HERC1: variants seen among roughly 807,000 people sequenced by gnomAD.
HERC1 encodes the protein HECT and RLD domain containing E3 ubiquitin protein ligase family member 1, also known as probable E3 ubiquitin-protein ligase HERC1.
Under a neutral mutation model 554.3 loss-of-function variants are expected in HERC1, and 160 were observed. The observed-to-expected ratio is 0.29, with a 90% CI of 0.25 to 0.33. The LOEUF (loss-of-function observed/expected upper bound fraction) is 0.33. Among genes scored for constraint, HERC1 ranks in the 10% least tolerant of loss-of-function variants. The probability of loss-of-function intolerance (pLI) is 1.00; values close to 1 mark genes in which losing one functional copy is unlikely to be tolerated. For synonymous variants in HERC1, 2,175 were observed against 2,131.7 expected (o/e 1.02, Z -0.56); for missense variants, 4,919 against 5,918.5 (o/e 0.83, Z 5.54).
chr15:63,666,206 T>C, intron 41 of HERC1, 56 bp from the exon 42 acceptor site: 1 of 1,482,008 alleles, frequency 6.7e-7, no homozygotes, highest in Non-Finnish European at 9.2e-7. Context: ...TAGGTCTTTA[T>C]GTTATAAGAG....
chr15:63,802,447 C>T (rs2077024671), intron 1 of HERC1, among the ~76,000 whole-genome samples: 1 of 152,146 alleles, frequency 6.6e-6, no homozygotes. Flanking sequence ...GAACTACAGA[C>T]AAAATCAAAT....
intron 37 of HERC1, among the ~76,000 whole-genome samples, chr15:63,676,602 A>G (rs2071222762): frequency 6.6e-6 from 1 of 152,058 alleles, no homozygotes; most frequent in South Asian, 2.1e-4. Context: ...ACAAAAATAT[A>G]AAAATTAGCC....
chr15:63,656,484 C>T, intron 48 of HERC1, 126 bp from the exon 49 acceptor site: 1 of 819,322 alleles, frequency 1.2e-6, no homozygotes, highest in East Asian at 2.6e-5. Flanking sequence ...CTATCATTAG[C>T]CATACATGTC....
At chr15:63,648,947 T>C (rs1257870272) in intron 54 of HERC1, among the ~76,000 whole-genome samples, 4 of 152,220 alleles carry the variant, frequency 2.6e-5, no homozygotes, top group African/African-American at 4.8e-5. Flanking sequence ...TGCATTCACG[T>C]TCAAAGGAAC....
chr15:63,711,423 G>A (rs2153115587), intron 24 of HERC1, among the ~76,000 whole-genome samples: 1 of 152,244 alleles, frequency 6.6e-6, no homozygotes. Context: ...AATCTCACTA[G>A]ACTATAAGAC....
At chr15:63,722,494 T>C (rs2073863001) in intron 19 of HERC1, among the ~76,000 whole-genome samples, 1 of 152,234 alleles carries the variant, frequency 6.6e-6, no homozygotes, top group Non-Finnish European at 1.5e-5. Context: ...TTACTTGCGA[T>C]CAACTGTGGT....
chr15:63,618,380 G>A (rs1030830866), intron 74 of HERC1, among the ~76,000 whole-genome samples: 22 of 152,212 alleles, frequency 1.4e-4, no homozygotes, highest in Middle Eastern at 3.4e-3. Context: ...TTTGGTACCA[G>A]TACCATGCTG....
intron 74 of HERC1, among the ~76,000 whole-genome samples, chr15:63,622,326 C>CT (rs35490295): frequency 0.52 from 61,474 of 117,502 alleles, 17,660 homozygotes; most frequent in African/African-American, 0.61. Flanking sequence ...TGCCTGTTTC[C>CT]TTTTTTTTTT....
rs939284352 is a variant in HERC1 at position 63,645,787 on chromosome 15, A to G, written c.10879-105T>C. ...TATTTCTTAGCATCTATATTTCTAT[A>G]ACTCATTTATTTTGAAATCAATATT... On this transcript the variant is annotated intron_variant, in intron 55 of 77. Transcript: ENST00000443617. The G allele has an allele frequency of 1.0e-5, 7 of 685,920 alleles. No homozygotes were observed. The Admixed American group carries it at 1.7e-4, about 17-fold the overall frequency. 42.5% of individuals were successfully genotyped at this position (685,920 alleles called of 1,614,324 possible).
chr15:63,759,471 TAA>T (rs2075537755), intron 3 of HERC1, among the ~76,000 whole-genome samples: 1 of 152,188 alleles, frequency 6.6e-6, no homozygotes, highest in South Asian at 2.1e-4. Flanking sequence ...TCCATACTCA[TAA>T]TAAGTATCAT....
chr15:63,675,581 T>C (rs1421751177), intron 37 of HERC1, among the ~76,000 whole-genome samples: 1 of 152,230 alleles, frequency 6.6e-6, no homozygotes, highest in Non-Finnish European at 1.5e-5. Context: ...AGAAAATTTG[T>C]ATAATAAATC....
chr15:63,772,536 G>C (rs1157246246), intron 2 of HERC1, among the ~76,000 whole-genome samples: 4 of 150,480 alleles, frequency 2.7e-5, no homozygotes, highest in African/African-American at 9.7e-5. Flanking sequence ...TATTATTTTA[G>C]GTCAATAAAT....
In HERC1 at chr15:63,743,974, C is replaced by A. The variant is rs149261140; in HGVS notation, c.2520+2944G>T. ...TTTTAAAGGACTTGGGTATTATGAT[C>A]TAAACTGTATCTACGTTGTGGTTCT... is the stretch of plus-strand genomic sequence containing the variant. On this transcript the variant is annotated intron_variant, in intron 12 of 77. Coordinates refer to ENST00000443617, the MANE Select transcript of HERC1 (RefSeq NM_003922.4). Among the ~76,000 whole-genome samples the A allele has an allele frequency of 1.3e-4, 17 of 133,784 alleles. No individual in the cohort carries two copies. In the East Asian group the frequency reaches 3.3e-3, roughly 26 times the overall value. The allele number at this position is 133,784 out of a possible 152,430, so 87.8% of individuals were successfully genotyped here.
intron 43 of HERC1, 84 bp from the exon 44 acceptor site, chr15:63,663,288 T>A: frequency 9.0e-7 from 1 of 1,105,930 alleles, no homozygotes; most frequent in Non-Finnish European, 1.4e-6. Flanking sequence ...GCCATACATG[T>A]AGGTGAGAAC....
In HERC1 at chr15:63,692,907, G is replaced by T. The variant is rs1031303824; in HGVS notation, c.5675-341C>A. 6.6e-6 allele frequency among the ~76,000 whole-genome samples: 1 copy of T among 152,104 alleles called. No homozygotes were observed. Among genetic ancestry groups the T allele is most frequent in the African/African-American group, 2.4e-5 (1 of 41,414 alleles). Reference sequence around the variant, plus strand: ...CCAGTTCCCAAATATCAGGACAGGCGCAATGGCTCACATCTGTAATCCCAG... The same window carrying T: ...CCAGTTCCCAAATATCAGGACAGGCTCAATGGCTCACATCTGTAATCCCAG... On this transcript the variant is annotated intron_variant, in intron 30 of 77. Transcript: ENST00000443617. The surrounding 1 kb of genome is among the most constrained non-coding windows in gnomAD (Gnocchi z 4.7).
At chr15:63,816,563 C>T (rs1225315893) in intron 1 of HERC1, among the ~76,000 whole-genome samples, 11 of 152,226 alleles carry the variant, frequency 7.2e-5, no homozygotes, top group Non-Finnish European at 1.2e-4. Flanking sequence ...CAGCTCCATA[C>T]TCTAAGTCAC....
chr15:63,612,379 A>G lies in HERC1; in HGVS notation c.14272T>C (p.Trp4758Arg). Residue 4758 changes from tryptophan (W) to arginine (R), a missense_variant, in exon 77 of 78, where the codon TGG becomes CGG. This residue lies in a region of HERC1 where 284 missense variants were observed against 294.1 expected (regional missense o/e 0.97). Transcript: ENST00000443617. This position sits in a 1 kb window ranked among gnomAD's most constrained non-coding sequence, Gnocchi z 5.0. ...DEQHQLVQWF[W>R]HTLEEFSNEE... ...TTGGAGAACTCTTCCAGCGTGTGCC[A>G]GAACCACTGCACCAGCTGATGCTGC... 1 of 1,614,052 alleles carries G rather than the reference A, an allele frequency of 6.2e-7. No individual in the cohort carries two copies. The highest frequency in any genetic ancestry group is 8.5e-7 in the Non-Finnish European group (1 of 1,179,894).
chr15:63,809,113 C>T (rs2077220088), intron 1 of HERC1, among the ~76,000 whole-genome samples: 2 of 152,026 alleles, frequency 1.3e-5, no homozygotes, highest in African/African-American at 4.8e-5. Context: ...AAATAAAATT[C>T]AAAAGATTAT....
intron 1 of HERC1, among the ~76,000 whole-genome samples, chr15:63,815,224 T>C (rs916436790): frequency 6.6e-6 from 1 of 152,194 alleles, no homozygotes; most frequent in Non-Finnish European, 1.5e-5. Context: ...CCAAAAAGAC[T>C]TTAAATCCCC....
Sources: allele counts gnomAD v4.1 joint callset (sites outside exome capture counted in the v4.1 genomes callset), GRCh38; gene constraint gnomAD v4.1.1; regional missense constraint gnomAD v4.1.1; non-coding constraint Gnocchi (gnomAD v3.1); transcripts MANE v1.5; gene names NCBI Gene and HGNC (gene_info 2026-07-23, HGNC 2026-07-21).